Variants in NAV3 observed in about 807,000 individuals in gnomAD.
NAV3 encodes the protein neuron navigator 3, also known as pore membrane and/or filament interacting like protein 1.
A neutral mutation model predicts 244.7 loss-of-function variants in NAV3; 87 were observed. The observed-to-expected ratio is 0.36, with a 90% CI of 0.30 to 0.42. The LOEUF (loss-of-function observed/expected upper bound fraction) is 0.42, where lower values mean the gene tolerates loss of function less well. Among genes scored for constraint, NAV3 ranks in the 20% least tolerant of loss-of-function variants. NAV3 has a pLI of 1.00. For synonymous variants in NAV3, 1,126 were observed against 1,042.2 expected (o/e 1.08, Z -1.55); for missense variants, 2,663 against 2,893.3 (o/e 0.92, Z 1.83).
At chr12:78,037,143 G>T (rs1455139793) in intron 9 of NAV3, 3 of 702,874 alleles carry the variant, frequency 4.3e-6, no homozygotes, top group Non-Finnish European at 7.8e-6. Flanking sequence ...GCCTGCTGGG[G>T]GCAGCCAGTC....
At chr12:77,830,194 C>T (rs1228168286), upstream of NAV3, among the ~76,000 whole-genome samples, 1 of 152,194 alleles carries the variant, frequency 6.6e-6, no homozygotes, top group Non-Finnish European at 1.5e-5. Context: ...CATTCATTCT[C>T]ACTGAGTATC....
chr12:77,841,896 C>A (rs2136172518), intron 1 of NAV3, among the ~76,000 whole-genome samples: 1 of 152,272 alleles, frequency 6.6e-6, no homozygotes, highest in Middle Eastern at 3.4e-3. Context: ...CACTTCCACT[C>A]TATTTCATTG....
chr12:78,014,542 C>T (rs1875851781), intron 8 of NAV3, among the ~76,000 whole-genome samples: 1 of 152,026 alleles, frequency 6.6e-6, no homozygotes, highest in Non-Finnish European at 1.5e-5. Context: ...TACAACCACA[C>T]CATGGATTCT....
At chr12:78,099,992 C>A (rs1162405855) in intron 12 of NAV3, among the ~76,000 whole-genome samples, 1 of 151,794 alleles carries the variant, frequency 6.6e-6, no homozygotes, top group Admixed American at 6.6e-5. Flanking sequence ...GACAGAATAG[C>A]TGTAAATCTT....
At chr12:77,989,446 G>A (rs888483276) in intron 5 of NAV3, among the ~76,000 whole-genome samples, 2 of 152,122 alleles carry the variant, frequency 1.3e-5, no homozygotes, top group Non-Finnish European at 2.9e-5. Flanking sequence ...TAAAGAGCTA[G>A]CTAAAACCAA....
intron 2 of NAV3, among the ~76,000 whole-genome samples, chr12:77,599,582 T>G (rs986701907): frequency 6.6e-6 from 1 of 151,806 alleles, no homozygotes; most frequent in Non-Finnish European, 1.5e-5. Flanking sequence ...TGAAAACCAT[T>G]CCAAGATAGA....
chr12:77,628,782 T>TG lies in NAV3; in HGVS notation c.72+56520dup, dbSNP rs568400978. Reference sequence around the variant, plus strand: ...GGAGCATGCTTGTGGTCCCAGCTACTGGGGAGGCTGAGATGGGAGAATCCC... The same window carrying TG: ...GGAGCATGCTTGTGGTCCCAGCTACTGGGGGAGGCTGAGATGGGAGAATCCC... On this transcript the variant is annotated intron_variant, in intron 2 of 8. Transcript: ENST00000550042. 3.2e-3 allele frequency among the ~76,000 whole-genome samples: 481 copies of TG among 151,222 alleles called. 4 individuals are homozygous for TG. The highest frequency in any genetic ancestry group is 0.012 in the South Asian group (58 of 4,792).
intron 9 of NAV3, among the ~76,000 whole-genome samples, chr12:78,047,142 A>G (rs117060810): frequency 0.06 from 9,067 of 151,956 alleles, 331 homozygotes; most frequent in Admixed American, 0.084. Flanking sequence ...CGTGAAGCTT[A>G]TGAAGCTTAG....
intron 2 of NAV3, among the ~76,000 whole-genome samples, chr12:77,666,158 TC>T (rs974826761): frequency 6.6e-6 from 1 of 151,350 alleles, no homozygotes; most frequent in Non-Finnish European, 1.5e-5. Context: ...CCTAATTGCT[TC>T]CAATAGCAAC....
In NAV3 at chr12:78,050,926, C is replaced by T. The variant is rs1466548550; in HGVS notation, c.2295C>T (p.Arg765=). The T allele has an allele frequency of 1.2e-6, 2 of 1,613,922 alleles. No homozygotes were observed. The highest frequency in any genetic ancestry group is 2.7e-5 in the African/African-American group (2 of 74,910). ...CCTCCCTGGGTGCTGGCTATCCTCGCAGTGGTACCAGTCGATTCATCCACA... is the reference window on the plus strand; with the variant it reads ...CCTCCCTGGGTGCTGGCTATCCTCGTAGTGGTACCAGTCGATTCATCCACA... ...DAPSLGAGYP[R]SGTSRFIHTD... is the part of the protein sequence containing the mutation. Residue 765 remains arginine, a synonymous_variant, in exon 11 of 40, where the codon CGC becomes CGT. Coordinates refer to ENST00000397909, the MANE Select transcript of NAV3 (RefSeq NM_001024383.2).
chr12:77,670,968 C>T lies in NAV3; in HGVS notation c.72+98702C>T, dbSNP rs1322636249. Among the ~76,000 whole-genome samples, 6 of 152,154 alleles carry T rather than the reference C, an allele frequency of 3.9e-5. No individual in the cohort carries two copies. The East Asian group carries it at 7.7e-4, about 20-fold the overall frequency. ...TCAGATAAGAGAAAGAAATAAAGGA[C>T]ATCCAGATAAGTAAAGAGGAAGTCA... On this transcript the variant is annotated intron_variant, in intron 2 of 8. Transcript: ENST00000550042.
chr12:77,706,804 G>A (rs1478028701), intron 2 of NAV3, among the ~76,000 whole-genome samples: 1 of 147,532 alleles, frequency 6.8e-6, no homozygotes, highest in African/African-American at 2.6e-5. Context: ...CCGGGAGGCG[G>A]AGCTTGCAGT....
chr12:77,604,950 C>G (rs1278046683), intron 2 of NAV3, among the ~76,000 whole-genome samples: 1 of 152,070 alleles, frequency 6.6e-6, no homozygotes, highest in Non-Finnish European at 1.5e-5. Context: ...TTGCTTTAGA[C>G]TACATGTTGC....
At chr12:77,957,936 G>A (rs1486569175) in intron 3 of NAV3, among the ~76,000 whole-genome samples, 1 of 152,164 alleles carries the variant, frequency 6.6e-6, no homozygotes, top group Non-Finnish European at 1.5e-5. Context: ...TAAGTGCTGG[G>A]ATTACAGGCG....
chr12:77,746,658 TATAGCTG>T (rs556569672), intron 2 of NAV3, among the ~76,000 whole-genome samples: 92 of 152,212 alleles, frequency 6.0e-4, no homozygotes, highest in South Asian at 2.3e-3. Context: ...TAACATTTGA[TATAGCTG>T]AACAGTGGAT....
At chr12:77,682,888 A>G (rs1874534687) in intron 2 of NAV3, among the ~76,000 whole-genome samples, 1 of 151,920 alleles carries the variant, frequency 6.6e-6, no homozygotes, top group Non-Finnish European at 1.5e-5. Context: ...TTGAGTTTCT[A>G]TTTATATAAT....
At chr12:77,931,607 C>G (rs576945929) in intron 1 of NAV3, among the ~76,000 whole-genome samples, 60 of 152,206 alleles carry the variant, frequency 3.9e-4, no homozygotes, top group African/African-American at 1.4e-3. Context: ...TGGCTCACTC[C>G]TGTAATCCCA....
chr12:77,875,580 T>C (rs1378185245), intron 1 of NAV3, among the ~76,000 whole-genome samples: 3 of 152,086 alleles, frequency 2.0e-5, no homozygotes, highest in African/African-American at 7.2e-5. Flanking sequence ...AATTAATGAA[T>C]TTATGAATGT....
Position 78,170,775 on chromosome 12 carries a change from G to A in NAV3, c.4981+1909G>A, listed in dbSNP as rs116025909. On this transcript the variant is annotated intron_variant, in intron 24 of 39. Coordinates refer to ENST00000397909, the MANE Select transcript of NAV3 (RefSeq NM_001024383.2). ...CATTCCATTTGGAATATTCTACCTT[G>A]TTTGATCAGCATAAAGACTTTTCGA... 3.4e-3 allele frequency among the ~76,000 whole-genome samples: 511 copies of A among 151,738 alleles called. 1 individual carries two copies. Among genetic ancestry groups the A allele is most frequent in the African/African-American group, 0.011 (467 of 41,496 alleles).
Sources: gnomAD v4.1 joint callset for allele counts (sites outside exome capture counted in the v4.1 genomes callset) on GRCh38, gnomAD v4.1.1 for gene constraint, MANE v1.5 for transcripts, NCBI Gene and HGNC (gene_info 2026-07-23, HGNC 2026-07-21) for gene names.